Variants in RAB11A observed in about 807,000 individuals in gnomAD.
RAB11A encodes the protein ras-related protein Rab-11A.
In RAB11A, 9 loss-of-function variants were observed where a neutral mutation model predicts 28.0. The ratio of observed to expected loss-of-function variants is 0.32; its 90% CI spans 0.19 to 0.56. The LOEUF (loss-of-function observed/expected upper bound fraction) is 0.56. Ranked by LOEUF, RAB11A falls within the 20% of genes least tolerant of loss-of-function variation. The pLI is 0.91. For missense variants in RAB11A, 108 were observed against 269.6 expected (o/e 0.40, Z 4.20); for synonymous variants, 85 against 88.2 (o/e 0.96, Z 0.20).
rs2078196044 is a variant in RAB11A, at chr15:65,877,187, CT to C, written c.41-144del. On this transcript the variant is annotated intron_variant, in intron 1 of 4. Coordinates refer to ENST00000261890, the MANE Select transcript of RAB11A (RefSeq NM_004663.5). This position sits in a 1 kb window ranked among gnomAD's most constrained non-coding sequence, Gnocchi z 4.1. ...GGTCAAGAACATGCTGTTCAACCCCCTACCCCCATTCCTTTTTAAAAGTCAT... is the reference window on the plus strand; with the variant it reads ...GGTCAAGAACATGCTGTTCAACCCCCACCCCCATTCCTTTTTAAAAGTCAT... 1 of 652,382 alleles carries C rather than the reference CT, an allele frequency of 1.5e-6. No individual in the cohort carries two copies. 40.4% of individuals were successfully genotyped at this position (652,382 alleles called of 1,614,324 possible).
chr15:65,887,149 TA>T (rs1050475905), intron 4 of RAB11A, among the ~76,000 whole-genome samples: 10 of 152,024 alleles, frequency 6.6e-5, no homozygotes, highest in Admixed American at 1.3e-4. Flanking sequence ...TCTAAGTCCA[TA>T]AACAATGTAA....
chr15:65,886,574 A>G (rs2078257223), intron 4 of RAB11A, among the ~76,000 whole-genome samples: 1 of 152,192 alleles, frequency 6.6e-6, no homozygotes, highest in South Asian at 2.1e-4. Flanking sequence ...CTGGGAGAGT[A>G]AACAAAAATA....
chr15:65,885,287 T>C (rs2078249560), intron 4 of RAB11A, among the ~76,000 whole-genome samples: 1 of 151,524 alleles, frequency 6.6e-6, no homozygotes, highest in Non-Finnish European at 1.5e-5. Flanking sequence ...CCCACCTGGC[T>C]AATTTTTTTT....
intron 4 of RAB11A, among the ~76,000 whole-genome samples, chr15:65,881,795 G>A (rs1482934749): frequency 7.2e-6 from 1 of 139,206 alleles, no homozygotes; most frequent in Admixed American, 8.1e-5. Flanking sequence ...AACACCTGTA[G>A]AACAACACAG....
At chr15:65,878,690 C>T (rs1261675606) in intron 3 of RAB11A, among the ~76,000 whole-genome samples, 1 of 152,086 alleles carries the variant, frequency 6.6e-6, no homozygotes, top group African/African-American at 2.4e-5. Context: ...AAAAACAAAA[C>T]AAAACAAACA....
At chr15:65,870,542 G>C (rs1417612219) in intron 1 of RAB11A, among the ~76,000 whole-genome samples, 2 of 152,246 alleles carry the variant, frequency 1.3e-5, no homozygotes, top group Non-Finnish European at 2.9e-5. Context: ...GCGGATGGGT[G>C]GTGGCTGTTA....
intron 4 of RAB11A, among the ~76,000 whole-genome samples, chr15:65,885,037 C>T (rs1388761132): frequency 6.7e-6 from 1 of 149,632 alleles, no homozygotes; most frequent in Non-Finnish European, 1.5e-5. Context: ...CTCAACCTCA[C>T]TGCTCACTGA....
In RAB11A at chr15:65,883,449, A is replaced by G. The variant is rs75814282; in HGVS notation, c.511+3698A>G. Among the ~76,000 whole-genome samples, 675 of 152,320 alleles carry G rather than the reference A, an allele frequency of 4.4e-3. 7 individuals carry two copies. The highest frequency in any genetic ancestry group is 0.016 in the African/African-American group (650 of 41,570). On this transcript the variant is annotated intron_variant, in intron 4 of 4. Transcript: ENST00000261890. ...GCAGGAACACCACAGAAGTGTTCTC[A>G]GTGCATCATATCAGCAGGTTTGTGA...
chr15:65,876,335 C>T (rs1227638189), intron 1 of RAB11A, among the ~76,000 whole-genome samples: 1 of 151,892 alleles, frequency 6.6e-6, no homozygotes, highest in South Asian at 2.1e-4. Flanking sequence ...CTCAGTGTGT[C>T]GCCCAGGCTG....
rs2078284387 is a variant in RAB11A at position 65,890,386 on chromosome 15, C to T, written c.*2546C>T. 1 of 152,052 alleles carries T rather than the reference C, an allele frequency of 6.6e-6. No individual in the cohort carries two copies. Among genetic ancestry groups the T allele is most frequent in the African/African-American group, 2.4e-5 (1 of 41,396 alleles). 9.4% of individuals were successfully genotyped at this position (152,052 alleles called of 1,614,324 possible). On this transcript the variant is annotated 3_prime_UTR_variant, in exon 5 of 5. Transcript: ENST00000261890. ...ATTTTTTTTTAACCTGTTATATAGTCTCCTGAATAGTTAGCCATGGTGCCT... is the reference window on the plus strand; with the variant it reads ...ATTTTTTTTTAACCTGTTATATAGTTTCCTGAATAGTTAGCCATGGTGCCT...
intron 4 of RAB11A, among the ~76,000 whole-genome samples, chr15:65,883,059 C>T (rs574257401): frequency 2.8e-4 from 42 of 152,258 alleles, no homozygotes; most frequent in African/African-American, 9.9e-4. Flanking sequence ...GACCCTCATC[C>T]TTGAGTACTT....
At chr15:65,881,713 T>C (rs1265297533) in intron 4 of RAB11A, among the ~76,000 whole-genome samples, 1 of 151,972 alleles carries the variant, frequency 6.6e-6, no homozygotes, top group African/African-American at 2.4e-5. Flanking sequence ...GAGCTGGGCA[T>C]GTTGATGCAC....
At position 65,890,958 on chromosome 15, in the gene RAB11A, A is replaced by G. The variant is rs560301198; in HGVS notation, c.*3118A>G. ...CAAAAAATGAATTTTGTAAAAGGTTATGTATGACTTCCATTTGCTCTGTAA... is the reference window on the plus strand; with the variant it reads ...CAAAAAATGAATTTTGTAAAAGGTTGTGTATGACTTCCATTTGCTCTGTAA... On this transcript the variant is annotated 3_prime_UTR_variant, in exon 5 of 5. Transcript: ENST00000261890. 6.6e-6 allele frequency: 1 copy of G among 152,382 alleles called. No individual in the cohort carries two copies. The highest frequency in any genetic ancestry group is 2.1e-4 in the South Asian group (1 of 4,832). 9.4% of individuals were successfully genotyped at this position (152,382 alleles called of 1,614,324 possible). A position where few individuals can be genotyped will look rare whatever the true frequency, so the allele number is the denominator to read the frequency against.
chr15:65,883,085 G>T (rs1440687484), intron 4 of RAB11A, among the ~76,000 whole-genome samples: 1 of 152,086 alleles, frequency 6.6e-6, no homozygotes, highest in African/African-American at 2.4e-5. Flanking sequence ...TGTATATTTT[G>T]TAAAAACAAG....
intron 3 of RAB11A, among the ~76,000 whole-genome samples, 195 bp from the exon 4 acceptor site, chr15:65,879,476 A>G (rs903630464): frequency 6.6e-6 from 1 of 152,232 alleles, no homozygotes; most frequent in Non-Finnish European, 1.5e-5. Context: ...TGAGACCTGC[A>G]TCTCTACTTA....
Position 65,889,714 on chromosome 15 carries a change from T to A in RAB11A, c.*1874T>A, listed in dbSNP as rs2078276364. 1.3e-5 allele frequency: 2 copies of A among 152,176 alleles called. No individual in the cohort carries two copies. Among genetic ancestry groups the A allele is most frequent in the South Asian group, 4.1e-4 (2 of 4,832 alleles). The allele number at this position is 152,176 out of a possible 1,614,324, so 9.4% of individuals were successfully genotyped here. On this transcript the variant is annotated 3_prime_UTR_variant, in exon 5 of 5. Transcript: ENST00000261890. ...CCCAGGAAAAGAAACCATCTCTATT[T>A]TATTGAAAGTTGGTGGTAGATTTTT...
intron 4 of RAB11A, among the ~76,000 whole-genome samples, chr15:65,885,015 C>T (rs2078246944): frequency 6.8e-6 from 1 of 147,324 alleles, no homozygotes; most frequent in Admixed American, 6.8e-5. Context: ...GGCTGGAGTG[C>T]AGTGGTGCAG....
intron 1 of RAB11A, among the ~76,000 whole-genome samples, chr15:65,876,768 A>T (rs1012371785): frequency 6.6e-6 from 1 of 152,194 alleles, no homozygotes; most frequent in South Asian, 2.1e-4. Context: ...GGTGATGTTT[A>T]TAAACCCTAT....
intron 1 of RAB11A, among the ~76,000 whole-genome samples, chr15:65,870,639 T>C (rs1460126095): frequency 6.6e-6 from 1 of 152,190 alleles, no homozygotes; most frequent in African/African-American, 2.4e-5. Context: ...TATGAACTGG[T>C]TGCTTCCTGC....
Sources: gnomAD v4.1 joint callset for allele counts (sites outside exome capture counted in the v4.1 genomes callset) on GRCh38, gnomAD v4.1.1 for gene constraint, Gnocchi (gnomAD v3.1) non-coding constraint, MANE v1.5 for transcripts, NCBI Gene and HGNC (gene_info 2026-07-23, HGNC 2026-07-21) for gene names.